The following FAM81B variants were observed in gnomAD, a reference collection of about 807,000 sequenced individuals.
FAM81B encodes family with sequence similarity 81 member B.
Under a neutral mutation model 58.7 loss-of-function variants are expected in FAM81B, and 60 were observed. The ratio of observed to expected loss-of-function variants is 1.02; its 90% CI spans 0.83 to 1.27. The LOEUF is 1.27. Ranked by LOEUF, FAM81B falls within the 50% of genes most tolerant of loss-of-function variation. The pLI is 0.00. For synonymous variants in FAM81B, 189 were observed against 179.6 expected, an observed-to-expected ratio of 1.05 and a Z score of -0.42; for missense variants, 491 against 522.0, an observed-to-expected ratio of 0.94 and a Z score of 0.58.
chr5:95,403,666 G>A (rs746416023), intron 3 of FAM81B, among the ~76,000 whole-genome samples: 9 of 152,086 alleles, frequency 5.9e-5, no homozygotes, highest in Admixed American at 2.6e-4. Flanking sequence ...TTTTCCTCAT[G>A]ATCACAAGAT....
At chr5:95,420,696 A>C (rs1280341888) in intron 5 of FAM81B, among the ~76,000 whole-genome samples, 1 of 147,064 alleles carries the variant, frequency 6.8e-6, no homozygotes, top group Non-Finnish European at 1.5e-5. Context: ...ACGCACCTTC[A>C]TAACCATGTA....
intron 5 of FAM81B, among the ~76,000 whole-genome samples, chr5:95,422,299 T>C (rs1304503520): frequency 6.7e-6 from 1 of 149,290 alleles, no homozygotes; most frequent in Non-Finnish European, 1.5e-5. Context: ...TTATATTATA[T>C]ATTAATATAT....
chr5:95,434,055 T>C (rs1451884471), intron 6 of FAM81B, among the ~76,000 whole-genome samples: 1 of 152,220 alleles, frequency 6.6e-6, no homozygotes, highest in Non-Finnish European at 1.5e-5. Flanking sequence ...TTAAAATATT[T>C]GTTTTCAATT....
chr5:95,430,814 C>A (rs556773605), intron 6 of FAM81B, among the ~76,000 whole-genome samples: 1 of 151,664 alleles, frequency 6.6e-6, no homozygotes, highest in Admixed American at 6.5e-5. Context: ...GCACACCCAC[C>A]AACAATATGT....
chr5:95,418,226 A>G (rs1762586351), intron 4 of FAM81B, among the ~76,000 whole-genome samples: 1 of 152,186 alleles, frequency 6.6e-6, no homozygotes, highest in Admixed American at 6.5e-5. Flanking sequence ...GTTGGTTACC[A>G]GATCAACTGT....
rs78454251 is a variant in FAM81B, at chr5:95,399,485, C to A, written c.293+3310C>A. On this transcript the variant is annotated intron_variant, in intron 3 of 9. Coordinates refer to ENST00000283357, the MANE Select transcript of FAM81B (RefSeq NM_152548.3). ...TTTCTCTTTCTTCTTTTCATGCCCC[C>A]CCCCACCCACCTGTGATGGGCAAGG... 1.6e-3 allele frequency among the ~76,000 whole-genome samples: 236 copies of A among 151,882 alleles called. 8 individuals carry two copies. In the East Asian group the frequency reaches 0.043, roughly 28 times the overall value.
chr5:95,416,237 C>A lies in FAM81B; in HGVS notation c.537+2047C>A, dbSNP rs527622726. On this transcript the variant is annotated intron_variant, in intron 4 of 9. Transcript: ENST00000283357. ...ATTCAAGTATTTTAAAAGAACCTAA[C>A]CTCATTAACCAGGTCAGCCCATTTG... 1.6e-4 allele frequency among the ~76,000 whole-genome samples: 24 copies of A among 152,286 alleles called. No homozygotes were observed. The East Asian group carries it at 4.0e-3, about 26-fold the overall frequency.
At chr5:95,437,413 C>G (rs1336925559) in intron 7 of FAM81B, among the ~76,000 whole-genome samples, 1 of 152,168 alleles carries the variant, frequency 6.6e-6, no homozygotes, top group Admixed American at 6.5e-5. Flanking sequence ...TGGCGCGTCT[C>G]TGCTTACTGC....
chr5:95,411,604 TAACTGTAGTCATCTG>T (rs1461558728), intron 3 of FAM81B, among the ~76,000 whole-genome samples: 2 of 152,230 alleles, frequency 1.3e-5, no homozygotes, highest in Non-Finnish European at 2.9e-5. Flanking sequence ...ACCAGCTTTA[TAACTGTAGTCATCTG>T]AAACACCATG....
At chr5:95,426,144 T>C (rs1762825573) in intron 5 of FAM81B, among the ~76,000 whole-genome samples, 1 of 143,246 alleles carries the variant, frequency 7.0e-6, no homozygotes, top group African/African-American at 2.6e-5. Flanking sequence ...ATTTTAAGTA[T>C]ATATGTATAA....
intron 3 of FAM81B, among the ~76,000 whole-genome samples, chr5:95,398,014 T>C (rs1582780845): frequency 6.6e-6 from 1 of 152,366 alleles, no homozygotes; most frequent in South Asian, 2.1e-4. Flanking sequence ...TTAAATCAGC[T>C]GATTAACTGG....
chr5:95,391,624 C>G lies in FAM81B; in HGVS notation c.124+111C>G, dbSNP rs1283560279. On this transcript the variant is annotated intron_variant, in intron 1 of 9. Transcript: ENST00000283357. ...AATCCCAATGAAGACCCTCAGAAGG[C>G]TTGGGCACAACAGAGTAATAACTTA... 4 of 1,231,008 alleles carry G rather than the reference C, an allele frequency of 3.2e-6. No individual in the cohort carries two copies. The African/African-American group carries it at 6.1e-5, about 19-fold the overall frequency. The allele number at this position is 1,231,008 out of a possible 1,614,324, so 76.3% of individuals were successfully genotyped here.
intron 9 of FAM81B, among the ~76,000 whole-genome samples, chr5:95,449,868 T>C (rs1745732280): frequency 6.6e-6 from 1 of 152,252 alleles, no homozygotes; most frequent in Non-Finnish European, 1.5e-5. Flanking sequence ...TATTTTAAAT[T>C]TCTCTCTTGC....
At chr5:95,431,960 T>C (rs980521104) in intron 6 of FAM81B, among the ~76,000 whole-genome samples, 2 of 152,100 alleles carry the variant, frequency 1.3e-5, no homozygotes, top group Admixed American at 6.5e-5. Flanking sequence ...CTTTGACTAA[T>C]AACCCCAAAC....
At chr5:95,417,376 G>A (rs1420213598) in intron 4 of FAM81B, among the ~76,000 whole-genome samples, 2 of 151,994 alleles carry the variant, frequency 1.3e-5, no homozygotes, top group Admixed American at 1.3e-4. Context: ...TAACAATTTT[G>A]GCTGAGTGCC....
chr5:95,446,652 C>G lies in FAM81B; in HGVS notation c.984C>G (p.His328Gln). The G allele has an allele frequency of 6.2e-7, 1 of 1,611,810 alleles. No individual in the cohort carries two copies. Among genetic ancestry groups the G allele is most frequent in the Middle Eastern group, 1.7e-4 (1 of 6,054 alleles). The change falls in exon 8 of 10, where the codon CAC becomes CAG. Residue 328 changes from histidine (H) to glutamine (Q), a missense_variant. Physicochemically the swap from His to Gln is conservative, Grantham distance 24. Transcript: ENST00000283357. Reference protein sequence around the residue: ...ENQFLKYRKDHLGHINECLKV... With the variant: ...ENQFLKYRKDQLGHINECLKV... The stretch of plus-strand genomic sequence containing the variant: ...AATTTCTCAAATATAGAAAAGACCA[C>G]CTGGGCCATATAAATGAATGTCTGA...
chr5:95,426,938 A>T (rs13186762), intron 5 of FAM81B, among the ~76,000 whole-genome samples: 1 of 151,740 alleles, frequency 6.6e-6, no homozygotes, highest in Admixed American at 6.6e-5. Context: ...AGTCCTAGCT[A>T]CTCGGGAGGG....
At chr5:95,429,157 C>T (rs1005309072) in intron 6 of FAM81B, among the ~76,000 whole-genome samples, 1 of 152,166 alleles carries the variant, frequency 6.6e-6, no homozygotes, top group Non-Finnish European at 1.5e-5. Context: ...GTATCTCTTA[C>T]AAAATAACAT....
chr5:95,415,457 G>T (rs964796371), intron 4 of FAM81B, among the ~76,000 whole-genome samples: 1 of 152,182 alleles, frequency 6.6e-6, no homozygotes, highest in East Asian at 1.9e-4. Flanking sequence ...CTGAGGCAGT[G>T]TGAAAAGTTA....
Sources: gnomAD v4.1 joint callset for allele counts (sites outside exome capture counted in the v4.1 genomes callset) on GRCh38, gnomAD v4.1.1 for gene constraint, MANE v1.5 for transcripts, NCBI Gene and HGNC (gene_info 2026-07-23, HGNC 2026-07-21) for gene names.